The following DNM3 variants were observed in gnomAD, a reference collection of about 807,000 sequenced individuals.
DNM3 encodes dynamin 3.
In DNM3, 47 loss-of-function variants were observed where a neutral mutation model predicts 101.6. That is an observed-to-expected ratio of 0.46 (90% CI 0.37 to 0.59). The LOEUF (loss-of-function observed/expected upper bound fraction) is 0.59. Ranked by LOEUF, DNM3 falls within the 20% of genes least tolerant of loss-of-function variation. The probability of loss-of-function intolerance (pLI) is 0.00; values close to 1 mark genes in which losing one functional copy is unlikely to be tolerated. For missense variants in DNM3, 849 were observed against 1,085.7 expected (o/e 0.78, Z 3.06); for synonymous variants, 385 against 387.9 (o/e 0.99, Z 0.09).
chr1:171,956,513 A>G (rs1286423215), intron 2 of DNM3, among the ~76,000 whole-genome samples: 1 of 152,098 alleles, frequency 6.6e-6, no homozygotes, highest in East Asian at 1.9e-4. Flanking sequence ...TTTGTAGGGT[A>G]TAGCCCCCCT....
intron 2 of DNM3, among the ~76,000 whole-genome samples, chr1:171,933,065 A>G (rs1177386951): frequency 2.0e-5 from 3 of 152,118 alleles, no homozygotes; most frequent in Admixed American, 6.6e-5. Context: ...AATAGACTAG[A>G]AATTGTTTCT....
chr1:172,062,477 T>C (rs1481516743), intron 10 of DNM3, among the ~76,000 whole-genome samples: 1 of 152,184 alleles, frequency 6.6e-6, no homozygotes, highest in African/African-American at 2.4e-5. Context: ...ACACTAGAGT[T>C]CTCTTCATTT....
chr1:172,252,579 G>T (rs9633301), intron 14 of DNM3, among the ~76,000 whole-genome samples: 61 of 151,824 alleles, frequency 4.0e-4, no homozygotes, highest in African/African-American at 1.4e-3. Context: ...CTCTTTCACG[G>T]GTAACACCAG....
chr1:172,094,480 A>G (rs2054114946), intron 13 of DNM3, among the ~76,000 whole-genome samples: 1 of 152,142 alleles, frequency 6.6e-6, no homozygotes, highest in Non-Finnish European at 1.5e-5. Flanking sequence ...CAGGTTTTAG[A>G]CCTAGACATT....
Position 171,845,977 on chromosome 1 carries a change from C to T in DNM3, c.161+4160C>T, listed in dbSNP as rs116165522. Among the ~76,000 whole-genome samples, 785 of 151,972 alleles carry T rather than the reference C, an allele frequency of 5.2e-3. 10 individuals carry two copies. The highest frequency in any genetic ancestry group is 0.018 in the African/African-American group (732 of 41,466). ...GAAAAAGTTTTTTGATTAATGGGGA[C>T]GAAATAAAATATTTTTAAAAAGTGA... On this transcript the variant is annotated intron_variant, in intron 1 of 20. Coordinates refer to ENST00000627582, the MANE Select transcript of DNM3 (RefSeq NM_015569.5).
intron 4 of DNM3, among the ~76,000 whole-genome samples, chr1:172,010,180 T>C (rs1558416199): frequency 1.3e-5 from 2 of 151,958 alleles, no homozygotes; most frequent in Admixed American, 6.6e-5. Flanking sequence ...TGCATATGTT[T>C]TAAATGACAC....
chr1:172,394,579 A>G (rs372462794), intron 20 of DNM3, among the ~76,000 whole-genome samples: 1 of 152,348 alleles, frequency 6.6e-6, no homozygotes, highest in African/African-American at 2.4e-5. Context: ...CCCATGACAA[A>G]TAATAGCAAA....
At chr1:171,979,825 A>C (rs775328011) in intron 2 of DNM3, among the ~76,000 whole-genome samples, 2 of 152,230 alleles carry the variant, frequency 1.3e-5, no homozygotes, top group East Asian at 3.8e-4. Flanking sequence ...ATACTGTTCA[A>C]CTGGCTTCGG....
At chr1:172,275,819 C>T (rs936296230) in intron 15 of DNM3, among the ~76,000 whole-genome samples, 2 of 152,058 alleles carry the variant, frequency 1.3e-5, no homozygotes, top group African/African-American at 2.4e-5. Flanking sequence ...TGAAATTTCT[C>T]CTTGAAGAGT....
intron 13 of DNM3, among the ~76,000 whole-genome samples, chr1:172,119,122 A>G (rs2056129813): frequency 6.6e-6 from 1 of 151,548 alleles, no homozygotes; most frequent in African/African-American, 2.4e-5. Flanking sequence ...CCTCCTGAGT[A>G]GCTGGGATTA....
At chr1:172,417,083 T>C (rs554761213), downstream of DNM3, among the ~76,000 whole-genome samples, 2 of 151,310 alleles carry the variant, frequency 1.3e-5, no homozygotes, top group African/African-American at 4.9e-5. Flanking sequence ...GTTTTTGTTT[T>C]TGTTTTTTTT....
chr1:172,258,110 T>C (rs992542452), intron 15 of DNM3, among the ~76,000 whole-genome samples: 4 of 152,108 alleles, frequency 2.6e-5, no homozygotes, highest in Non-Finnish European at 5.9e-5. Flanking sequence ...GCAAATGACA[T>C]GATTTTATTC....
chr1:171,920,911 C>T (rs1553300408), intron 1 of DNM3, among the ~76,000 whole-genome samples: 2 of 152,096 alleles, frequency 1.3e-5, no homozygotes, highest in Non-Finnish European at 2.9e-5. Context: ...CTTATTTCTA[C>T]TTGATCCCAC....
chr1:171,890,254 T>C (rs16843485), intron 1 of DNM3, among the ~76,000 whole-genome samples: 2,190 of 152,264 alleles, frequency 0.014, 61 homozygotes, highest in African/African-American at 0.048. Context: ...TGCTTTCTGG[T>C]TTTATTTTAA....
intron 2 of DNM3, among the ~76,000 whole-genome samples, chr1:171,954,350 A>T (rs2042721811): frequency 6.6e-6 from 1 of 152,148 alleles, no homozygotes; most frequent in African/African-American, 2.4e-5. Context: ...CTTTGTGGTT[A>T]TAATAAGCTT....
intron 10 of DNM3, among the ~76,000 whole-genome samples, chr1:172,065,657 T>A (rs1270976600): frequency 6.6e-6 from 1 of 152,088 alleles, no homozygotes; most frequent in Non-Finnish European, 1.5e-5. Context: ...AGCCCCCAGG[T>A]GAGCGTGCAT....
downstream of DNM3, among the ~76,000 whole-genome samples, chr1:172,417,085 G>GT (rs144897979): frequency 1.3e-3 from 186 of 145,480 alleles, no homozygotes; most frequent in Middle Eastern, 3.5e-3. Context: ...TTTTGTTTTT[G>GT]TTTTTTTTTT....
chr1:172,351,238 A>G (rs1160540914), intron 17 of DNM3, among the ~76,000 whole-genome samples: 1 of 152,182 alleles, frequency 6.6e-6, no homozygotes, highest in African/African-American at 2.4e-5. Flanking sequence ...TTCCAGAAGT[A>G]TGACTCTTAT....
At chr1:172,418,277 C>A in intron 20 of DNM3, 1 of 1,288,674 alleles carries the variant, frequency 7.8e-7, no homozygotes, top group South Asian at 1.2e-5. Flanking sequence ...TTTGTTTTTA[C>A]TAGGCGACCC....
Sources: allele counts gnomAD v4.1 joint callset (sites outside exome capture counted in the v4.1 genomes callset), GRCh38; gene constraint gnomAD v4.1.1; transcripts MANE v1.5; gene names NCBI Gene and HGNC (gene_info 2026-07-23, HGNC 2026-07-21).